The following ATP10B variants were observed in gnomAD, a reference collection of about 807,000 sequenced individuals.
The protein encoded by ATP10B is ATPase phospholipid transporting 10B (putative).
ATP10B carries 122 observed loss-of-function variants against 141.2 expected under a neutral mutation model. That is an observed-to-expected ratio of 0.86 (90% CI 0.75 to 1.00). The LOEUF is 1.00. ATP10B is among the 50% of genes least tolerant of loss of function. The pLI, the probability that ATP10B is intolerant of heterozygous loss-of-function variation, is 0.00. For synonymous variants in ATP10B, 685 were observed against 692.0 expected (o/e 0.99, Z 0.16); for missense variants, 1,876 against 1,825.3 (o/e 1.03, Z -0.51).
intron 10 of ATP10B, among the ~76,000 whole-genome samples, chr5:160,637,025 C>CATCCATCCATGAATCA (rs1420405908): frequency 9.7e-6 from 1 of 102,748 alleles, no homozygotes; most frequent in Non-Finnish European, 1.8e-5. Context: ...TCTATCCATC[C>CATCCATCCATGAATCA]ATCCATCCAT....
At chr5:160,602,922 G>A (rs1473116549) in intron 20 of ATP10B, 5 of 490,958 alleles carry the variant, frequency 1.0e-5, no homozygotes, top group Non-Finnish European at 1.8e-5. Context: ...GATCAGAAGG[G>A]ATCAGTGGTC....
chr5:160,654,704 G>GTCATCATCATCA (rs151297339), intron 7 of ATP10B, among the ~76,000 whole-genome samples: 8 of 151,934 alleles, frequency 5.3e-5, no homozygotes, highest in African/African-American at 1.7e-4. Context: ...TGTCGTCATC[G>GTCATCATCATCA]TCATCATCAT....
chr5:160,910,200 G>C, the ATP10B span, among the ~76,000 whole-genome samples: 1 of 151,466 alleles, frequency 6.6e-6, no homozygotes, highest in Non-Finnish European at 1.5e-5. Context: ...TTCCTGAGTT[G>C]CTCCCCTATC....
At chr5:160,870,095 A>G in the ATP10B span, among the ~76,000 whole-genome samples, 1 of 151,966 alleles carries the variant, frequency 6.6e-6, no homozygotes, top group East Asian at 1.9e-4. Flanking sequence ...CCCAACTCCG[A>G]CTCCCTCCAG....
intron 24 of ATP10B, among the ~76,000 whole-genome samples, chr5:160,577,385 A>C (rs577865529): frequency 1.3e-5 from 2 of 151,968 alleles, no homozygotes; most frequent in Non-Finnish European, 2.9e-5. Context: ...TTACCTCATG[A>C]CTCTATCTTA....
chr5:160,780,899 G>C (rs547575555), intron 2 of ATP10B, among the ~76,000 whole-genome samples: 1 of 152,230 alleles, frequency 6.6e-6, no homozygotes, highest in African/African-American at 2.4e-5. Flanking sequence ...TATATCTTAA[G>C]GGCTGCCATT....
chr5:160,583,031 T>C (rs1038275921), intron 24 of ATP10B, among the ~76,000 whole-genome samples: 1 of 152,192 alleles, frequency 6.6e-6, no homozygotes, highest in African/African-American at 2.4e-5. Flanking sequence ...AACATGCTCC[T>C]TTAGCTTGGA....
At chr5:160,568,649 C>A (rs1363973907) in intron 25 of ATP10B, among the ~76,000 whole-genome samples, 1 of 152,034 alleles carries the variant, frequency 6.6e-6, no homozygotes, top group African/African-American at 2.4e-5. Context: ...CTGTGGTAGG[C>A]CTGTGAACAC....
intron 1 of ATP10B, among the ~76,000 whole-genome samples, chr5:160,851,315 C>T (rs936189973): frequency 2.0e-5 from 3 of 152,172 alleles, no homozygotes; most frequent in African/African-American, 7.2e-5. Flanking sequence ...GCCTTAATAG[C>T]AGGCCACAGG....
At chr5:160,852,689 A>T (rs1753871010), upstream of ATP10B, among the ~76,000 whole-genome samples, 1 of 152,198 alleles carries the variant, frequency 6.6e-6, no homozygotes, top group Non-Finnish European at 1.5e-5. Flanking sequence ...TGAATGGTGC[A>T]AACTTACAGA....
At chr5:160,695,165 A>G (rs1472889787) in intron 3 of ATP10B, among the ~76,000 whole-genome samples, 1 of 152,214 alleles carries the variant, frequency 6.6e-6, no homozygotes, top group Non-Finnish European at 1.5e-5. Flanking sequence ...GGCAGGGGCA[A>G]CTTCCTTTTC....
chr5:160,670,991 C>G (rs1370528804), intron 6 of ATP10B, among the ~76,000 whole-genome samples: 1 of 151,496 alleles, frequency 6.6e-6, no homozygotes, highest in Non-Finnish European at 1.5e-5. Flanking sequence ...ATGGTGAAAC[C>G]CTGTCTCTAC....
chr5:160,891,392 C>T, the ATP10B span, among the ~76,000 whole-genome samples: 1 of 152,170 alleles, frequency 6.6e-6, no homozygotes, highest in Admixed American at 6.5e-5. Flanking sequence ...TGACCTTCTC[C>T]TTCCAATGCA....
At chr5:160,636,903 T>C (rs1202971695) in intron 10 of ATP10B, among the ~76,000 whole-genome samples, 1 of 151,264 alleles carries the variant, frequency 6.6e-6, no homozygotes, top group African/African-American at 2.4e-5. Context: ...CTTCCATTCA[T>C]CCATTTTTCT....
intron 1 of ATP10B, among the ~76,000 whole-genome samples, chr5:160,812,039 AGAGAGAGAGAGAGAGAGAGAGG>A (rs1230653577): frequency 1.3e-5 from 2 of 151,616 alleles, no homozygotes; most frequent in Non-Finnish European, 2.9e-5. Flanking sequence ...AGAGAGAGAG[AGAGAGAGAGAGAGAGAGAGAGG>A]GAGAGGGAGA....
chr5:160,600,088 T>C (rs910444907), intron 21 of ATP10B, among the ~76,000 whole-genome samples: 1 of 152,210 alleles, frequency 6.6e-6, no homozygotes, highest in African/African-American at 2.4e-5. Context: ...TATATCAGCA[T>C]ATAGTACATC....
intron 2 of ATP10B, among the ~76,000 whole-genome samples, chr5:160,746,501 C>T (rs1007247693): frequency 2.0e-5 from 3 of 151,840 alleles, no homozygotes; most frequent in African/African-American, 4.8e-5. Context: ...AAGTGATTCT[C>T]ATACCTCAGC....
chr5:160,579,096 T>G (rs557496660), intron 24 of ATP10B, among the ~76,000 whole-genome samples: 1 of 152,362 alleles, frequency 6.6e-6, no homozygotes, highest in African/African-American at 2.4e-5. Flanking sequence ...ATGGATAGAT[T>G]GCAAAAATTT....
intron 5 of ATP10B, chr5:160,686,790 G>T (rs1763783475): frequency 4.2e-6 from 1 of 238,910 alleles, no homozygotes; most frequent in Non-Finnish European, 6.8e-6. Flanking sequence ...AATATTACAT[G>T]ATTTATAATA....
Sources: gnomAD v4.1 joint callset for allele counts (sites outside exome capture counted in the v4.1 genomes callset) on GRCh38, gnomAD v4.1.1 for gene constraint, MANE v1.5 for transcripts, NCBI Gene and HGNC (gene_info 2026-07-23, HGNC 2026-07-21) for gene names.